The following POT1 variants were observed in gnomAD, a reference collection of about 807,000 sequenced individuals.
POT1 encodes protection of telomeres 1, also known as protection of telomeres protein 1.
POT1 carries 47 observed loss-of-function variants against 78.5 expected under a neutral mutation model. The observed-to-expected ratio is 0.60, with a 90% CI of 0.47 to 0.76. The LOEUF is 0.76. Ranked by LOEUF, POT1 falls within the 30% of genes least tolerant of loss-of-function variation. The pLI is 0.00. For synonymous variants in POT1, 259 were observed against 260.7 expected, an observed-to-expected ratio of 0.99 and a Z score of 0.06; for missense variants, 646 against 749.9, an observed-to-expected ratio of 0.86 and a Z score of 1.62.
chr7:124,840,301 T>C (rs535151158), intron 14 of POT1, among the ~76,000 whole-genome samples: 10 of 147,052 alleles, frequency 6.8e-5, no homozygotes, highest in Non-Finnish European at 1.1e-4. Context: ...AGAAAAACAA[T>C]GAAAAGGTTT....
At chr7:124,866,445 A>AAT (rs76151010) in intron 7 of POT1, among the ~76,000 whole-genome samples, 267 of 71,920 alleles carry the variant, frequency 3.7e-3, no homozygotes, top group Middle Eastern at 7.0e-3. Flanking sequence ...GTTCAACCAC[A>AAT]GTTCAACCAC....
At chr7:124,927,909 A>T (rs531424168) in intron 2 of POT1, among the ~76,000 whole-genome samples, 1 of 152,202 alleles carries the variant, frequency 6.6e-6, no homozygotes, top group African/African-American at 2.4e-5. Flanking sequence ...CTGCTTCTTT[A>T]TCCTGTCAGG....
chr7:124,840,268 G>A lies in POT1; in HGVS notation c.1369+705C>T, dbSNP rs183682139. On this transcript the variant is annotated intron_variant, in intron 14 of 18. Coordinates refer to ENST00000357628, the MANE Select transcript of POT1 (RefSeq NM_015450.3). ...AGGTATTTTTCTTCTATTACAAAAG[G>A]TTTCAAGGGAAGAAAAGCCTTCAGA... Among the ~76,000 whole-genome samples, 1,049 of 151,848 alleles carry A rather than the reference G, an allele frequency of 6.9e-3. 11 individuals are homozygous for A. The highest frequency in any genetic ancestry group is 0.025 in the African/African-American group (1,015 of 41,422).
chr7:124,888,550 A>C (rs1217425802), intron 6 of POT1, among the ~76,000 whole-genome samples: 1 of 152,078 alleles, frequency 6.6e-6, no homozygotes, highest in Non-Finnish European at 1.5e-5. Flanking sequence ...ATGACTGAGT[A>C]GTATGACCAT....
At chr7:124,859,160 T>C (rs1584770056) in intron 8 of POT1, 48 bp from the exon 9 acceptor site, 2 of 1,413,472 alleles carry the variant, frequency 1.4e-6, no homozygotes, top group East Asian at 2.5e-5. Flanking sequence ...GAAAAAATGC[T>C]TGTGCTAAAA....
intron 13 of POT1, among the ~76,000 whole-genome samples, chr7:124,841,974 T>TA (rs781502678): frequency 2.0e-5 from 3 of 152,084 alleles, no homozygotes; most frequent in East Asian, 3.9e-4. Flanking sequence ...GATTTTAAAA[T>TA]AAAAAATTTC....
In POT1 at chr7:124,892,347, T is replaced by G. The variant is rs1554434768; in HGVS notation, c.43A>C (p.Asn15His). ...ACAATTGTACCACCCTTAAGTTGAT[T>G]CAGGGGTGTATATATATAATTTGTT... The part of the protein sequence containing the change: ...PATNYIYTPL[N>H]QLKGGTIVNV... The change falls in exon 6 of 19, where the codon AAT becomes CAT. Residue 15 changes from asparagine to histidine, a missense_variant. Coordinates refer to ENST00000357628, the MANE Select transcript of POT1 (RefSeq NM_015450.3). The G allele has an allele frequency of 7.2e-6, 11 of 1,520,570 alleles. No individual in the cohort carries two copies. Among genetic ancestry groups the G allele is most frequent in the Non-Finnish European group, 9.6e-6 (11 of 1,141,676 alleles). 94.2% of individuals were successfully genotyped at this position (1,520,570 alleles called of 1,614,324 possible). A position where few individuals can be genotyped will look rare whatever the true frequency, so the allele number is the denominator to read the frequency against.
In POT1 at chr7:124,925,442, G is replaced by A. The variant is rs529983343; in HGVS notation, c.-227+3373C>T. Among the ~76,000 whole-genome samples, 10 of 151,820 alleles carry A rather than the reference G, an allele frequency of 6.6e-5. No homozygotes were observed. The East Asian group carries it at 7.7e-4, about 12-fold the overall frequency. On this transcript the variant is annotated intron_variant, in intron 2 of 18. Coordinates refer to ENST00000357628, the MANE Select transcript of POT1 (RefSeq NM_015450.3). ...CTCTGCAAGGAAAACTACAAAGGAC[G>A]GATGAAATAAATTGTAAACAACATA...
At chr7:124,830,919 C>G (rs932154413) in intron 15 of POT1, among the ~76,000 whole-genome samples, 1 of 152,076 alleles carries the variant, frequency 6.6e-6, no homozygotes, top group Non-Finnish European at 1.5e-5. Context: ...CGGAAAGAAA[C>G]CTTACAATCA....
At chr7:124,906,308 C>T (rs908756023) in intron 3 of POT1, among the ~76,000 whole-genome samples, 4 of 151,984 alleles carry the variant, frequency 2.6e-5, no homozygotes, top group Non-Finnish European at 5.9e-5. Flanking sequence ...ACTATGCAAC[C>T]GTAAAAAATG....
chr7:124,851,164 C>T (rs1315629281), intron 11 of POT1, among the ~76,000 whole-genome samples: 1 of 151,918 alleles, frequency 6.6e-6, no homozygotes, highest in Non-Finnish European at 1.5e-5. Context: ...GGCATGTTGG[C>T]ATGTGCAGGA....
chr7:124,854,687 A>G (rs1795400176), intron 9 of POT1, among the ~76,000 whole-genome samples: 1 of 151,972 alleles, frequency 6.6e-6, no homozygotes, highest in African/African-American at 2.4e-5. Context: ...TTACATCTAT[A>G]TCATAACCAG....
chr7:124,921,537 G>A (rs1226346405), intron 2 of POT1, among the ~76,000 whole-genome samples: 1 of 150,574 alleles, frequency 6.6e-6, no homozygotes, highest in African/African-American at 2.4e-5. Flanking sequence ...ACGTCTATAC[G>A]AAGAATATAG....
At chr7:124,863,818 G>A (rs1487480641) in intron 7 of POT1, among the ~76,000 whole-genome samples, 178 bp from the exon 8 acceptor site, 1 of 152,002 alleles carries the variant, frequency 6.6e-6, no homozygotes, top group Non-Finnish European at 1.5e-5. Context: ...AAGTGCTGGT[G>A]CTACACCAAG....
intron 10 of POT1, among the ~76,000 whole-genome samples, chr7:124,852,174 A>C (rs1225260811): frequency 6.6e-6 from 1 of 152,152 alleles, no homozygotes; most frequent in East Asian, 1.9e-4. Flanking sequence ...ATGATGAAAT[A>C]ATACAAACAA....
At position 124,870,902 on chromosome 7, in the gene POT1, G is replaced by T; in HGVS notation, c.255+9C>A. 1 of 1,599,100 alleles carries T rather than the reference G, an allele frequency of 6.3e-7. No homozygotes were observed. The highest frequency in any genetic ancestry group is 1.1e-5 in the South Asian group (1 of 88,702). On this transcript the variant is annotated intron_variant, in intron 7 of 18. Coordinates refer to ENST00000357628, the MANE Select transcript of POT1 (RefSeq NM_015450.3). ...AATAAATATAAGTTCTAGACAATAT[G>T]AATTATACCTTCAGCCTGTGAAAGC...
At chr7:124,872,251 T>C (rs999185802) in intron 6 of POT1, among the ~76,000 whole-genome samples, 3 of 152,214 alleles carry the variant, frequency 2.0e-5, no homozygotes, top group Non-Finnish European at 2.9e-5. Flanking sequence ...GTTTATTCTA[T>C]GCCTATTGTG....
intron 6 of POT1, among the ~76,000 whole-genome samples, chr7:124,878,345 T>TGG (rs1176736676): frequency 6.7e-6 from 1 of 149,528 alleles, no homozygotes; most frequent in African/African-American, 2.5e-5. Context: ...AAGCAGGGGG[T>TGG]GGGGGGAAGA....
rs571662691 is a variant in POT1 at position 124,918,135 on chromosome 7, T to C, written c.-226-2489A>G. ...CAGCTCCTGCAGCTTGGATGCTGAT[T>C]ACTTCCAAATGCCATCCATAACTAG... is the stretch of plus-strand genomic sequence containing the variant. On this transcript the variant is annotated intron_variant, in intron 2 of 18. Transcript: ENST00000357628. Among the ~76,000 whole-genome samples, 5 of 152,344 alleles carry C rather than the reference T, an allele frequency of 3.3e-5. No homozygotes were observed. The South Asian group carries it at 8.3e-4, about 25-fold the overall frequency.
Sources: allele counts gnomAD v4.1 joint callset (sites outside exome capture counted in the v4.1 genomes callset), GRCh38; gene constraint gnomAD v4.1.1; transcripts MANE v1.5; gene names NCBI Gene and HGNC (gene_info 2026-07-23, HGNC 2026-07-21).